The following ELAVL4 variants were observed in gnomAD, a reference collection of about 807,000 sequenced individuals.
ELAVL4 encodes ELAV-like protein 4.
In ELAVL4, 1 loss-of-function variant was observed where a neutral mutation model predicts 35.6. The ratio of observed to expected loss-of-function variants is 0.03; its 90% CI spans 0.01 to 0.13. The LOEUF (loss-of-function observed/expected upper bound fraction) is 0.13, where lower values mean the gene tolerates loss of function less well. Among genes scored for constraint, ELAVL4 ranks in the 10% least tolerant of loss-of-function variants. The pLI, the probability that ELAVL4 is intolerant of heterozygous loss-of-function variation, is 1.00. For missense variants in ELAVL4, 267 were observed against 464.9 expected (o/e 0.57, Z 3.91); for synonymous variants, 156 against 171.0 (o/e 0.91, Z 0.69).
At chr1:50,068,848 A>G (rs777954436) in intron 1 of ELAVL4, among the ~76,000 whole-genome samples, 2 of 152,238 alleles carry the variant, frequency 1.3e-5, no homozygotes, top group Non-Finnish European at 2.9e-5. Context: ...AAATGAATTA[A>G]TAACAACGCT....
chr1:50,102,053 CGT>C (rs1666003963), upstream of ELAVL4, among the ~76,000 whole-genome samples: 1 of 152,092 alleles, frequency 6.6e-6, no homozygotes, highest in African/African-American at 2.4e-5. Context: ...TTGGGGAGGC[CGT>C]GGCGGGCAGA....
intron 1 of ELAVL4, among the ~76,000 whole-genome samples, chr1:50,123,780 A>C (rs1429127034): frequency 6.6e-6 from 1 of 152,010 alleles, no homozygotes; most frequent in African/African-American, 2.4e-5. Context: ...TCGGTCTCCA[A>C]CATCTTTCTG....
chr1:50,136,761 A>T (rs982285269), intron 1 of ELAVL4, among the ~76,000 whole-genome samples: 1 of 152,128 alleles, frequency 6.6e-6, no homozygotes, highest in Non-Finnish European at 1.5e-5. Flanking sequence ...ATGTTCTGTG[A>T]CCTTCTTTGG....
chr1:50,153,210 T>C (rs1675105639), intron 2 of ELAVL4, among the ~76,000 whole-genome samples: 1 of 152,228 alleles, frequency 6.6e-6, no homozygotes, highest in Admixed American at 6.5e-5. Flanking sequence ...AGGCCCAATC[T>C]TACTTTTCCT....
rs373595143 is a variant in ELAVL4, at chr1:50,198,925, T to C, written c.773+1458T>C. ...GTACTTGCAATCTCTTTGCTGGCCCTGACCTTTGACTTATAATAAATACTT... is the reference window on the plus strand; with the variant it reads ...GTACTTGCAATCTCTTTGCTGGCCCCGACCTTTGACTTATAATAAATACTT... On this transcript the variant is annotated intron_variant, in intron 6 of 6. Coordinates refer to ENST00000371824, the MANE Select transcript of ELAVL4 (RefSeq NM_001144774.3). Among the ~76,000 whole-genome samples, 5 of 152,364 alleles carry C rather than the reference T, an allele frequency of 3.3e-5. No homozygotes were observed. The East Asian group carries it at 7.7e-4, about 24-fold the overall frequency.
At chr1:50,070,071 A>C (rs1346367261) in intron 1 of ELAVL4, among the ~76,000 whole-genome samples, 2 of 152,224 alleles carry the variant, frequency 1.3e-5, no homozygotes, top group African/African-American at 2.4e-5. Context: ...TAGAATTGAT[A>C]TATTTGCCAC....
intron 1 of ELAVL4, among the ~76,000 whole-genome samples, chr1:50,090,824 C>A (rs148353785): frequency 3.3e-4 from 51 of 152,338 alleles, no homozygotes; most frequent in Admixed American, 9.8e-4. Flanking sequence ...CACTCAGCCC[C>A]ACTGTATTCT....
At chr1:50,122,902 T>C (rs1336024556) in intron 1 of ELAVL4, among the ~76,000 whole-genome samples, 1 of 152,112 alleles carries the variant, frequency 6.6e-6, no homozygotes, top group Non-Finnish European at 1.5e-5. Flanking sequence ...TCAGGATTGT[T>C]AGGATTAAAT....
chr1:50,101,570 T>G (rs1470666257), upstream of ELAVL4, among the ~76,000 whole-genome samples: 1 of 147,924 alleles, frequency 6.8e-6, no homozygotes. Context: ...TCCCTTTCCT[T>G]TCTCTTCTAG....
intron 2 of ELAVL4, among the ~76,000 whole-genome samples, chr1:50,158,234 A>G (rs969668848): frequency 1.3e-5 from 2 of 152,208 alleles, no homozygotes; most frequent in African/African-American, 4.8e-5. Flanking sequence ...CATTTTATAG[A>G]TGAGGAAACA....
At chr1:50,106,486 G>C, upstream of ELAVL4, 1 of 973,996 alleles carries the variant, frequency 1.0e-6, no homozygotes, top group East Asian at 2.6e-5. Flanking sequence ...GTTTCTTTCT[G>C]TGGTGGTGGA....
At chr1:50,137,281 C>T (rs567365433) in intron 1 of ELAVL4, among the ~76,000 whole-genome samples, 4 of 152,204 alleles carry the variant, frequency 2.6e-5, no homozygotes, top group African/African-American at 9.6e-5. Context: ...ATGGTAGCAA[C>T]AATGATTCTC....
At chr1:50,127,350 G>A (rs1670112699) in intron 1 of ELAVL4, among the ~76,000 whole-genome samples, 1 of 152,116 alleles carries the variant, frequency 6.6e-6, no homozygotes. Context: ...AATATAGGGT[G>A]GTAAGTACCA....
Position 50,200,810 on chromosome 1 carries a change from C to A in ELAVL4, c.774-41C>A. On this transcript the variant is annotated intron_variant, in intron 6 of 6. Transcript: ENST00000371824. ...CATCTGTGTGTTATCCTTGGTCAGA[C>A]TGATGTCTGGACCAGTCCCCCCTTC... 3 of 1,595,666 alleles carry A rather than the reference C, an allele frequency of 1.9e-6. No homozygotes were observed. In the South Asian group the frequency reaches 3.5e-5, roughly 18 times the overall value.
At chr1:50,068,267 G>A (rs1342728591) in intron 1 of ELAVL4, among the ~76,000 whole-genome samples, 10 of 152,156 alleles carry the variant, frequency 6.6e-5, no homozygotes, top group Admixed American at 3.9e-4. Context: ...ACTAGACATG[G>A]GAGAATAAGG....
chr1:50,127,124 G>T (rs1427185743), intron 1 of ELAVL4, among the ~76,000 whole-genome samples: 2 of 152,050 alleles, frequency 1.3e-5, no homozygotes, highest in Admixed American at 6.6e-5. Context: ...AAGCCTGATG[G>T]GTTGGAGATA....
At chr1:50,125,915 C>T (rs1023002072) in intron 1 of ELAVL4, among the ~76,000 whole-genome samples, 1 of 151,866 alleles carries the variant, frequency 6.6e-6, no homozygotes, top group South Asian at 2.1e-4. Context: ...AAGTCATTAG[C>T]CTGTCTGAGC....
At chr1:50,091,241 T>C (rs1017108868) in intron 1 of ELAVL4, among the ~76,000 whole-genome samples, 2 of 152,246 alleles carry the variant, frequency 1.3e-5, no homozygotes, top group Non-Finnish European at 2.9e-5. Flanking sequence ...ACCTGGCTGC[T>C]CGCCACCTTC....
chr1:50,167,525 C>A (rs1218246120), intron 2 of ELAVL4, among the ~76,000 whole-genome samples: 1 of 152,134 alleles, frequency 6.6e-6, no homozygotes, highest in Non-Finnish European at 1.5e-5. Flanking sequence ...ACCAGGTAGC[C>A]GGCTAATCAC....
Sources: gnomAD v4.1 joint callset for allele counts (sites outside exome capture counted in the v4.1 genomes callset) on GRCh38, gnomAD v4.1.1 for gene constraint, MANE v1.5 for transcripts, NCBI Gene and HGNC (gene_info 2026-07-23, HGNC 2026-07-21) for gene names.